OR52A5: variants seen among roughly 807,000 people sequenced by gnomAD.
The protein encoded by OR52A5 is olfactory receptor family 52 subfamily A member 5, also known as olfactory receptor 52A5.
In OR52A5, 16 loss-of-function variants were observed where a neutral mutation model predicts 18.2. That is an observed-to-expected ratio of 0.88 (90% CI 0.60 to 1.34). OR52A5 has a LOEUF of 1.34. Ranked by LOEUF, OR52A5 falls within the 40% of genes most tolerant of loss-of-function variation. OR52A5 has a pLI of 0.00. For missense variants in OR52A5, 418 were observed against 383.0 expected (o/e 1.09, Z -0.76); for synonymous variants, 140 against 137.2 (o/e 1.02, Z -0.14).
Position 5,132,180 on chromosome 11 carries a change from C to T in OR52A5, c.463G>A (p.Ala155Thr), listed in dbSNP as rs1359981875. 2.5e-6 allele frequency: 4 copies of T among 1,613,946 alleles called. No homozygotes were observed. Among genetic ancestry groups the T allele is most frequent in the African/African-American group, 1.3e-5 (1 of 74,898 alleles). ...CCTAAGGAAGGTATTATAAGAATGG[C>T]AGCCCTGAGTGTCACCCCAAGTCCA... is the stretch of plus-strand genomic sequence containing the variant. ...HIGLGVTLRA[A>T]ILIIPSLGLI... The change falls in exon 2 of 2, where the codon GCC (alanine) becomes ACC (threonine). Residue 155 changes from alanine to threonine, a missense_variant. Transcript: ENST00000307388.
Position 5,132,309 on chromosome 11 carries a change from T to C in OR52A5, c.334A>G (p.Ile112Val). 1.2e-6 allele frequency: 2 copies of C among 1,614,132 alleles called. No homozygotes were observed. The highest frequency in any genetic ancestry group is 1.7e-6 in the Non-Finnish European group (2 of 1,180,022). ...ATTGCCAGAAGGATACCCGATTCAA[T>C]TGCCTGGAATGAGTGAATAAGCCAC... ...QMWLIHSFQAIESGILLAMAL... is the reference protein window; with the variant it reads ...QMWLIHSFQAVESGILLAMAL... Residue 112 changes from isoleucine (I) to valine (V), a missense_variant, in exon 2 of 2, where the codon ATT (isoleucine) becomes GTT (valine). Ile to Val is a conservative substitution (Grantham distance 29). Coordinates refer to ENST00000307388, the MANE Select transcript of OR52A5 (RefSeq NM_001005160.3).
In OR52A5 at chr11:5,131,542, T is replaced by G. The variant is rs938131154; in HGVS notation, c.*150A>C. ...AAATGATTCCAAATTTATCAAAATA[T>G]AGATTCAAAGCAAATACTAAAAAGT... On this transcript the variant is annotated 3_prime_UTR_variant, in exon 2 of 2. Coordinates refer to ENST00000307388, the MANE Select transcript of OR52A5 (RefSeq NM_001005160.3). 2.0e-6 allele frequency: 1 copy of G among 509,208 alleles called. No individual in the cohort carries two copies. The highest frequency in any genetic ancestry group is 3.5e-6 in the Non-Finnish European group (1 of 286,738). The allele number at this position is 509,208 out of a possible 1,614,324, so 31.5% of individuals were successfully genotyped here. A position where few individuals can be genotyped will look rare whatever the true frequency, so the allele number is the denominator to read the frequency against.
chr11:5,135,023 C>T (rs1206153399), intron 1 of OR52A5, among the ~76,000 whole-genome samples: 3 of 152,020 alleles, frequency 2.0e-5, no homozygotes, highest in East Asian at 1.9e-4. Context: ...TACAGGCACC[C>T]GTCACCATGC....
Position 5,132,437 on chromosome 11 carries a change from G to A in OR52A5, c.206C>T (p.Ala69Val). Residue 69 changes from alanine to valine, a missense_variant, in exon 2 of 2, where the codon GCA becomes GTA. By Grantham distance (64) the Ala-to-Val change is moderately conservative (BLOSUM62 0). Coordinates refer to ENST00000307388, the MANE Select transcript of OR52A5 (RefSeq NM_001005160.3). ...GGTGTTAAGTGCAATGTCTGTGGCT[G>A]CCAACATGGCCAAAAAAATGTACAT... ...IPMYIFLAML[A>V]ATDIALNTCI... 6.2e-7 allele frequency: 1 copy of A among 1,614,126 alleles called. No homozygotes were observed. The highest frequency in any genetic ancestry group is 8.5e-7 in the Non-Finnish European group (1 of 1,179,996).
Position 5,129,623 on chromosome 11 carries a change from A to C in OR52A5, c.*2069T>G, listed in dbSNP as rs1846316077. ...AATTAGCCAGAGCCCTCAATTGAAGAGCAATGGAGCAGACTCTCAGAAACT... is the reference window on the plus strand; with the variant it reads ...AATTAGCCAGAGCCCTCAATTGAAGCGCAATGGAGCAGACTCTCAGAAACT... On this transcript the variant is annotated 3_prime_UTR_variant, in exon 2 of 2. Coordinates refer to ENST00000307388, the MANE Select transcript of OR52A5 (RefSeq NM_001005160.3). The C allele has an allele frequency of 6.6e-6, 1 of 152,096 alleles. No individual in the cohort carries two copies. The highest frequency in any genetic ancestry group is 2.1e-4 in the South Asian group (1 of 4,822). 9.4% of individuals were successfully genotyped at this position (152,096 alleles called of 1,614,324 possible). A position where few individuals can be genotyped will look rare whatever the true frequency, so the allele number is the denominator to read the frequency against.
chr11:5,135,358 G>C (rs1421525952), intron 1 of OR52A5, among the ~76,000 whole-genome samples: 2 of 152,128 alleles, frequency 1.3e-5, no homozygotes, highest in Non-Finnish European at 2.9e-5. Flanking sequence ...GCACAGTACA[G>C]AACACGTTTA....
chr11:5,138,189 T>A (rs1447203842), intron 1 of OR52A5, 122 bp downstream of exon 1: 2 of 152,208 alleles, frequency 1.3e-5, no homozygotes, highest in African/African-American at 4.8e-5. Flanking sequence ...ACTCAACTAT[T>A]TTAAGATTCT....
At chr11:5,134,805 A>C (rs1846376128) in intron 1 of OR52A5, among the ~76,000 whole-genome samples, 1 of 152,150 alleles carries the variant, frequency 6.6e-6, no homozygotes, top group South Asian at 2.1e-4. Flanking sequence ...ATACACTTGG[A>C]TCAAAATTTT....
chr11:5,137,310 A>AT (rs1159581372), intron 1 of OR52A5, among the ~76,000 whole-genome samples: 1 of 152,208 alleles, frequency 6.6e-6, no homozygotes, highest in African/African-American at 2.4e-5. Flanking sequence ...TAAACCCTGA[A>AT]TAACTACCAC....
In OR52A5 at chr11:5,131,772, T is replaced by G; in HGVS notation, c.871A>C (p.Asn291His). Residue 291 changes from asparagine (N) to histidine (H), a missense_variant, in exon 2 of 2, where the codon AAC becomes CAC. By Grantham distance (68) the Asn-to-His change is moderately conservative. Coordinates refer to ENST00000307388, the MANE Select transcript of OR52A5 (RefSeq NM_001005160.3). ...GTCTTCACTCCATAGACAATAGGGTTGAGAAAAGGTGGGACTAACAGGTAA... is the reference window on the plus strand; with the variant it reads ...GTCTTCACTCCATAGACAATAGGGTGGAGAAAAGGTGGGACTAACAGGTAA... ...NLYLLVPPFL[N>H]PIVYGVKTKQ... 6.2e-7 allele frequency: 1 copy of G among 1,614,032 alleles called. No individual in the cohort carries two copies. Among genetic ancestry groups the G allele is most frequent in the Admixed American group, 1.7e-5 (1 of 60,008 alleles).
rs1430103486 is a variant in OR52A5, at chr11:5,131,822, T to C, written c.821A>G (p.Tyr274Cys). ...AAGATTTGACAAGAGGATATGAATA[T>C]ATGGTGGTATGTGTGAACCAAACCT... ...THRFGSHIPP[Y>C]IHILLSNLYL... The change falls in exon 2 of 2, where the codon TAT (tyrosine) becomes TGT (cysteine). Residue 274 changes from tyrosine (Y) to cysteine (C), a missense_variant. Physicochemically the swap from Tyr to Cys is radical, Grantham distance 194. Transcript: ENST00000307388. 6.2e-7 allele frequency: 1 copy of C among 1,613,736 alleles called. No individual in the cohort carries two copies. The highest frequency in any genetic ancestry group is 8.5e-7 in the Non-Finnish European group (1 of 1,179,768).
rs1846334704 is a variant in OR52A5 at position 5,131,296 on chromosome 11, A to C, written c.*396T>G. ...TTGTGTGGTTCTAGAAGGATATTTG[A>C]TATGTAAGCCCAGATCACTGATTTT... On this transcript the variant is annotated 3_prime_UTR_variant, in exon 2 of 2. Coordinates refer to ENST00000307388, the MANE Select transcript of OR52A5 (RefSeq NM_001005160.3). The C allele has an allele frequency of 6.3e-6, 1 of 158,186 alleles. No homozygotes were observed. Among genetic ancestry groups the C allele is most frequent in the Admixed American group, 6.0e-5 (1 of 16,670 alleles). The allele number at this position is 158,186 out of a possible 1,614,324, so 9.8% of individuals were successfully genotyped here. A position where few individuals can be genotyped will look rare whatever the true frequency, so the allele number is the denominator to read the frequency against.
At position 5,130,344 on chromosome 11, in the gene OR52A5, T is replaced by G. The variant is rs924934156; in HGVS notation, c.*1348A>C. 6.6e-6 allele frequency: 1 copy of G among 152,102 alleles called. No individual in the cohort carries two copies. Among genetic ancestry groups the G allele is most frequent in the Admixed American group, 6.5e-5 (1 of 15,270 alleles). 9.4% of individuals were successfully genotyped at this position (152,102 alleles called of 1,614,324 possible). ...TATTATCTTCATTCTTTATCCTTCA[T>G]GTATACTAACTTTTCTGAAAGAATT... On this transcript the variant is annotated 3_prime_UTR_variant, in exon 2 of 2. Transcript: ENST00000307388.
Position 5,132,196 on chromosome 11 carries a change from C to A in OR52A5, c.447G>T (p.Gly149=), listed in dbSNP as rs1345206363. The change falls in exon 2 of 2, where the codon GGG becomes GGT. Residue 149 remains glycine (G), a synonymous_variant. Transcript: ENST00000307388. ...TAAGAATGGCAGCCCTGAGTGTCAC[C>A]CCAAGTCCAATATGAGTTAAGAACT... ...SQQFLTHIGL[G]VTLRAAILII... is the part of the protein sequence containing the mutation. 2 of 1,613,920 alleles carry A rather than the reference C, an allele frequency of 1.2e-6. No homozygotes were observed. The highest frequency in any genetic ancestry group is 2.7e-5 in the African/African-American group (2 of 74,876).
chr11:5,134,516 T>A (rs1439587315), intron 1 of OR52A5, among the ~76,000 whole-genome samples: 1 of 152,140 alleles, frequency 6.6e-6, no homozygotes, highest in African/African-American at 2.4e-5. Context: ...TTATTAAGTA[T>A]CCACTATGAT....
rs1564849292 is a variant in OR52A5, at chr11:5,132,095, T to TCACA, written c.544_547dup (p.Glu183ValfsTer2). 6.2e-7 allele frequency: 1 copy of TCACA among 1,614,204 alleles called. No individual in the cohort carries two copies. The highest frequency in any genetic ancestry group is 8.5e-7 in the Non-Finnish European group (1 of 1,180,044). On this transcript the variant is annotated stop_gained and frameshift_variant, in exon 2 of 2. Coordinates refer to ENST00000307388, the MANE Select transcript of OR52A5 (RefSeq NM_001005160.3). LOFTEE classifies it high-confidence loss of function. ...AGCCAGCTTCACGATGGCCATGTGC[T>TCACA]CACAGTAAGAGTGAGAGATGACTGT...
intron 1 of OR52A5, among the ~76,000 whole-genome samples, chr11:5,133,363 CAAAAA>C (rs745895019): frequency 3.2e-5 from 2 of 62,408 alleles, no homozygotes; most frequent in Non-Finnish European, 5.9e-5. Context: ...GCGAGACTGT[CAAAAA>C]AAAAAAAAAA....
At chr11:5,134,713 G>A (rs528677738) in intron 1 of OR52A5, among the ~76,000 whole-genome samples, 30 of 151,560 alleles carry the variant, frequency 2.0e-4, no homozygotes, top group Non-Finnish European at 3.7e-4. Context: ...CTTAATTTAT[G>A]AAATTAGCAT....
At chr11:5,134,027 C>T (rs1045991581) in intron 1 of OR52A5, among the ~76,000 whole-genome samples, 2 of 152,174 alleles carry the variant, frequency 1.3e-5, no homozygotes, top group African/African-American at 4.8e-5. Flanking sequence ...ACACTCTAGG[C>T]TTCCAGAGCC....
Sources: gnomAD v4.1 joint callset for allele counts (sites outside exome capture counted in the v4.1 genomes callset) on GRCh38, gnomAD v4.1.1 for gene constraint, MANE v1.5 for transcripts, NCBI Gene and HGNC (gene_info 2026-07-23, HGNC 2026-07-21) for gene names.